The following ANKS1B variants were observed in gnomAD, a reference collection of about 807,000 sequenced individuals.
ANKS1B encodes ankyrin repeat and sterile alpha motif domain-containing protein 1B.
In ANKS1B, 36 loss-of-function variants were observed where a neutral mutation model predicts 148.3. The observed-to-expected ratio is 0.24, with a 90% CI of 0.19 to 0.32. The LOEUF is 0.32. Ranked by LOEUF, ANKS1B falls within the 10% of genes least tolerant of loss-of-function variation. The pLI is 1.00. For synonymous variants in ANKS1B, 542 were observed against 560.8 expected, an observed-to-expected ratio of 0.97 and a Z score of 0.47; for missense variants, 1,157 against 1,542.6, an observed-to-expected ratio of 0.75 and a Z score of 4.19.
At chr12:99,902,584 G>C (rs2093636113) in intron 1 of ANKS1B, among the ~76,000 whole-genome samples, 1 of 152,154 alleles carries the variant, frequency 6.6e-6, no homozygotes, top group African/African-American at 2.4e-5. Flanking sequence ...AGGATGGATG[G>C]AAGAGGGAAA....
intron 12 of ANKS1B, among the ~76,000 whole-genome samples, chr12:99,266,189 C>T (rs1445841110): frequency 6.6e-6 from 1 of 152,080 alleles, no homozygotes; most frequent in African/African-American, 2.4e-5. Context: ...ATCATTTCAT[C>T]TAATTACCAA....
At position 99,086,392 on chromosome 12, in the gene ANKS1B, G is replaced by T. The variant is rs17029043; in HGVS notation, c.2527-1369C>A. Among the ~76,000 whole-genome samples the T allele has an allele frequency of 0.012, 1,769 of 152,254 alleles. 81 individuals are homozygous for T. The South Asian group carries it at 0.16, about 13-fold the overall frequency. ...GGATAATATGGAGAGAGGAGCAAAC[G>T]GTAAGGCTGAATGAGTAAGCAGAGG... On this transcript the variant is annotated intron_variant, in intron 15 of 26. Coordinates refer to ENST00000683438, the MANE Select transcript of ANKS1B (RefSeq NM_001352186.2).
rs957162938 is a variant in ANKS1B at position 99,906,460 on chromosome 12, T to C, written c.134+77644A>G. On this transcript the variant is annotated intron_variant, in intron 1 of 26. Coordinates refer to ENST00000683438, the MANE Select transcript of ANKS1B (RefSeq NM_001352186.2). ...GAGGAGGGCTGGTTAGAATCACAAATGATGATCATTTACTTCACACCTAAT... is the reference window on the plus strand; with the variant it reads ...GAGGAGGGCTGGTTAGAATCACAAACGATGATCATTTACTTCACACCTAAT... Among the ~76,000 whole-genome samples the C allele has an allele frequency of 4.6e-5, 7 of 152,334 alleles. 1 individual carries two copies. Among genetic ancestry groups the C allele is most frequent in the African/African-American group, 1.7e-4 (7 of 41,572 alleles).
intron 12 of ANKS1B, among the ~76,000 whole-genome samples, chr12:99,397,427 T>C (rs2094280754): frequency 6.6e-6 from 1 of 152,150 alleles, no homozygotes; most frequent in Non-Finnish European, 1.5e-5. Context: ...GAGACCAACC[T>C]ATTGCAGCTT....
At chr12:99,448,713 A>AT (rs1168236980) in intron 10 of ANKS1B, among the ~76,000 whole-genome samples, 1 of 152,058 alleles carries the variant, frequency 6.6e-6, no homozygotes, top group Non-Finnish European at 1.5e-5. Flanking sequence ...AAAAATAATT[A>AT]AATTTTTTAA....
Position 99,782,902 on chromosome 12 carries a change from C to T in ANKS1B, c.670-805G>A, listed in dbSNP as rs115194363. On this transcript the variant is annotated intron_variant, in intron 4 of 26. Transcript: ENST00000683438. Reference sequence around the variant, plus strand: ...CTGAGTATCCCTTAAATTGAAAATGCATTTAGGCTGGGCGCAGTGGCTCAT... The same window carrying T: ...CTGAGTATCCCTTAAATTGAAAATGTATTTAGGCTGGGCGCAGTGGCTCAT... Among the ~76,000 whole-genome samples the T allele has an allele frequency of 6.9e-3, 1,054 of 151,964 alleles. 14 individuals carry two copies. Among genetic ancestry groups the T allele is most frequent in the African/African-American group, 0.025 (1,019 of 41,488 alleles).
chr12:99,894,329 G>GAGGGAGAGAAAAGAAAAGA (rs1196013915), intron 1 of ANKS1B, among the ~76,000 whole-genome samples: 1 of 78,078 alleles, frequency 1.3e-5, no homozygotes, highest in Non-Finnish European at 2.7e-5. Flanking sequence ...GGGAGGGAGG[G>GAGGGAGAGAAAAGAAAAGA]AAAGAAAAGA....
chr12:99,857,112 C>CATG (rs1555216279), intron 1 of ANKS1B, among the ~76,000 whole-genome samples: 1 of 152,152 alleles, frequency 6.6e-6, no homozygotes, highest in East Asian at 1.9e-4. Context: ...TTGCTGAAGA[C>CATG]ATGATTGTAT....
chr12:99,968,173 C>T (rs995745137), intron 1 of ANKS1B, among the ~76,000 whole-genome samples: 1 of 152,142 alleles, frequency 6.6e-6, no homozygotes, highest in Non-Finnish European at 1.5e-5. Flanking sequence ...CACAGCCTAA[C>T]ACTAGAGTTG....
At chr12:99,015,360 C>T (rs60460036) in intron 17 of ANKS1B, among the ~76,000 whole-genome samples, 7,372 of 151,966 alleles carry the variant, frequency 0.049, 370 homozygotes, top group African/African-American at 0.12. Context: ...TGGGGCCTTT[C>T]GGAGGGCAGA....
chr12:99,720,389 AG>A (rs1199976481), intron 8 of ANKS1B, among the ~76,000 whole-genome samples: 1 of 152,200 alleles, frequency 6.6e-6, no homozygotes, highest in Non-Finnish European at 1.5e-5. Context: ...TCCTTCTGTC[AG>A]ACATAATTCC....
intron 8 of ANKS1B, among the ~76,000 whole-genome samples, chr12:99,695,086 A>C (rs2053691289): frequency 6.6e-6 from 1 of 152,208 alleles, no homozygotes; most frequent in Non-Finnish European, 1.5e-5. Context: ...GGGGGGAAAT[A>C]GTGCTTCTGT....
chr12:99,697,173 T>C (rs756419050), intron 8 of ANKS1B, among the ~76,000 whole-genome samples: 1 of 152,168 alleles, frequency 6.6e-6, no homozygotes, highest in Non-Finnish European at 1.5e-5. Context: ...AGTTTGGAAG[T>C]TTCTTACAAG....
chr12:99,958,034 A>G (rs1033309442), intron 1 of ANKS1B, among the ~76,000 whole-genome samples: 1 of 152,208 alleles, frequency 6.6e-6, no homozygotes, highest in Non-Finnish European at 1.5e-5. Context: ...CTAAAAATAG[A>G]TGCATGTACA....
At chr12:99,004,356 C>T (rs181018874) in intron 17 of ANKS1B, among the ~76,000 whole-genome samples, 2 of 152,170 alleles carry the variant, frequency 1.3e-5, no homozygotes, top group Admixed American at 6.5e-5. Context: ...AGGGATTATA[C>T]CAATATCGTC....
intron 12 of ANKS1B, among the ~76,000 whole-genome samples, chr12:99,323,820 T>C (rs1425472228): frequency 1.3e-5 from 2 of 152,176 alleles, no homozygotes; most frequent in Non-Finnish European, 2.9e-5. Context: ...GAAGGAAGGC[T>C]GAGAAGAACA....
intron 12 of ANKS1B, among the ~76,000 whole-genome samples, chr12:99,292,411 A>G (rs1248757918): frequency 1.3e-5 from 2 of 151,358 alleles, no homozygotes; most frequent in Non-Finnish European, 2.9e-5. Context: ...AGTCCCAGCT[A>G]CTCAGGAGGC....
At chr12:99,851,007 T>C (rs1388679736) in intron 1 of ANKS1B, among the ~76,000 whole-genome samples, 1 of 152,106 alleles carries the variant, frequency 6.6e-6, no homozygotes, top group Non-Finnish European at 1.5e-5. Context: ...CATCTATGTT[T>C]TCAATTCTAA....
At chr12:99,244,277 C>T (rs1033088965) in intron 14 of ANKS1B, 65 bp downstream of exon 14, 3 of 1,094,574 alleles carry the variant, frequency 2.7e-6, no homozygotes, top group African/African-American at 3.2e-5. Flanking sequence ...CTAAAGATTC[C>T]TATCATTTTC....
Sources: allele counts gnomAD v4.1 joint callset (sites outside exome capture counted in the v4.1 genomes callset), GRCh38; gene constraint gnomAD v4.1.1; transcripts MANE v1.5; gene names NCBI Gene and HGNC (gene_info 2026-07-23, HGNC 2026-07-21).